Variants in SUSD6 observed in about 807,000 individuals in gnomAD.
SUSD6 encodes the protein sushi domain containing 6.
Under a neutral mutation model 28.4 loss-of-function variants are expected in SUSD6, and 16 were observed. That is an observed-to-expected ratio of 0.56 (90% confidence interval 0.38 to 0.86). The LOEUF is 0.86. Ranked by LOEUF, SUSD6 falls within the 40% of genes least tolerant of loss-of-function variation. The pLI is 0.00. For missense variants in SUSD6, 341 were observed against 384.2 expected (o/e 0.89, Z 0.94); for synonymous variants, 147 against 159.6 (o/e 0.92, Z 0.59).
At chr14:69,622,668 A>G (rs1460681449) in intron 1 of SUSD6, among the ~76,000 whole-genome samples, 1 of 151,876 alleles carries the variant, frequency 6.6e-6, no homozygotes, top group Non-Finnish European at 1.5e-5. Context: ...ATCTCGGCTC[A>G]CTGCAACCTC....
At chr14:69,646,844 G>A (rs1016640660) in intron 1 of SUSD6, among the ~76,000 whole-genome samples, 24 of 152,018 alleles carry the variant, frequency 1.6e-4, no homozygotes, top group Middle Eastern at 3.4e-3. Flanking sequence ...TGGGACTACA[G>A]GCACCCGCCA....
rs1282114418 is a variant in SUSD6, at chr14:69,674,882, T to C, written c.121+16169T>C. ...GGCAACTTTCAGGTAGCTCAGGCAC[T>C]GACTAGCCTGAAGTCTCTGTTGAAA... On this transcript the variant is annotated intron_variant, in intron 2 of 5. Transcript: ENST00000342745. Among the ~76,000 whole-genome samples, 4 of 152,344 alleles carry C rather than the reference T, an allele frequency of 2.6e-5. No individual in the cohort carries two copies. The East Asian group carries it at 7.7e-4, about 29-fold the overall frequency.
intron 1 of SUSD6, among the ~76,000 whole-genome samples, chr14:69,655,389 T>G: frequency 6.6e-6 from 1 of 152,196 alleles, no homozygotes. Flanking sequence ...CTTTCATATA[T>G]GTCATTGCAC....
chr14:69,618,440 A>G (rs1884990099), intron 1 of SUSD6, among the ~76,000 whole-genome samples: 1 of 152,236 alleles, frequency 6.6e-6, no homozygotes, highest in African/African-American at 2.4e-5. Flanking sequence ...CTTGCTTTCA[A>G]CAGCTAGTCT....
In SUSD6 at chr14:69,652,354, C is replaced by T. The variant is rs1021841387; in HGVS notation, c.-80-6159C>T. Among the ~76,000 whole-genome samples, 4 of 152,016 alleles carry T rather than the reference C, an allele frequency of 2.6e-5. No individual in the cohort carries two copies. In the East Asian group the frequency reaches 7.7e-4, roughly 29 times the overall value. On this transcript the variant is annotated intron_variant, in intron 1 of 5. Transcript: ENST00000342745. ...CCCAGCTACTCAGGAGGCTGAGGCA[C>T]GAGAATCACTTGAAGCCAGGAGGCA...
At chr14:69,673,674 G>C (rs1266376264) in intron 2 of SUSD6, among the ~76,000 whole-genome samples, 1 of 152,132 alleles carries the variant, frequency 6.6e-6, no homozygotes, top group African/African-American at 2.4e-5. Flanking sequence ...CCCCGGGGCT[G>C]GATCATTTTC....
intron 2 of SUSD6, among the ~76,000 whole-genome samples, chr14:69,688,415 T>C (rs1367068782): frequency 6.6e-6 from 1 of 152,192 alleles, no homozygotes; most frequent in Non-Finnish European, 1.5e-5. Flanking sequence ...ATGGGACCCA[T>C]TGATTTCTGG....
chr14:69,649,868 A>G (rs1885478544), intron 1 of SUSD6, among the ~76,000 whole-genome samples: 2 of 152,200 alleles, frequency 1.3e-5, no homozygotes, highest in South Asian at 2.1e-4. Flanking sequence ...AGGGAGCCCT[A>G]TTAGGGAAGC....
At chr14:69,694,442 G>A (rs568861066) in intron 2 of SUSD6, among the ~76,000 whole-genome samples, 5 of 152,268 alleles carry the variant, frequency 3.3e-5, no homozygotes, top group Admixed American at 6.5e-5. Context: ...ACCCCAGGCC[G>A]TGAAGTCTCA....
intron 1 of SUSD6, among the ~76,000 whole-genome samples, chr14:69,632,235 C>T (rs1885205405): frequency 6.6e-6 from 1 of 152,214 alleles, no homozygotes; most frequent in Admixed American, 6.5e-5. Context: ...TGCTGCTTCT[C>T]TCCCTGGTCT....
rs188497905 is a variant in SUSD6 at position 69,692,333 on chromosome 14, T to C, written c.122-11062T>C. On this transcript the variant is annotated intron_variant, in intron 2 of 5. Transcript: ENST00000342745. ...TGTATCCCACCCCTATGTTATACTTTGTAGGTCTTGGGGTAAATTTTTTTC... is the reference window on the plus strand; with the variant it reads ...TGTATCCCACCCCTATGTTATACTTCGTAGGTCTTGGGGTAAATTTTTTTC... Among the ~76,000 whole-genome samples the C allele has an allele frequency of 1.9e-3, 285 of 152,320 alleles. 1 individual carries two copies. The highest frequency in any genetic ancestry group is 3.6e-3 in the Non-Finnish European group (242 of 68,034).
chr14:69,673,334 A>G (rs1204887479), intron 2 of SUSD6, among the ~76,000 whole-genome samples: 1 of 152,166 alleles, frequency 6.6e-6, no homozygotes, highest in Non-Finnish European at 1.5e-5. Context: ...ATGTCTACCA[A>G]GTTCCCTAAA....
chr14:69,667,520 A>G (rs1885762072), intron 2 of SUSD6, among the ~76,000 whole-genome samples: 1 of 150,242 alleles, frequency 6.7e-6, no homozygotes, highest in Non-Finnish European at 1.5e-5. Flanking sequence ...GGGACTACAG[A>G]CACCCGCCGC....
At chr14:69,688,358 T>G (rs1203838924) in intron 2 of SUSD6, among the ~76,000 whole-genome samples, 1 of 152,232 alleles carries the variant, frequency 6.6e-6, no homozygotes, top group Non-Finnish European at 1.5e-5. Flanking sequence ...TAGGCAGTTA[T>G]AGAGCATGAG....
intron 2 of SUSD6, among the ~76,000 whole-genome samples, chr14:69,671,137 T>TGGA (rs1885825584): frequency 6.6e-6 from 1 of 152,088 alleles, no homozygotes; most frequent in African/African-American, 2.4e-5. Flanking sequence ...GTCAGAATTG[T>TGGA]GGAGGAGGAG....
In SUSD6 at chr14:69,708,985, C is replaced by T. The variant is rs150724759; in HGVS notation, c.767C>T (p.Thr256Ile). 2 of 1,614,162 alleles carry T rather than the reference C, an allele frequency of 1.2e-6. No individual in the cohort carries two copies. Among genetic ancestry groups the T allele is most frequent in the Non-Finnish European group, 1.7e-6 (2 of 1,180,052 alleles). Residue 256 changes from threonine to isoleucine, a missense_variant, in exon 5 of 6, where the codon ACC (threonine) becomes ATC (isoleucine). By Grantham distance (89) the Thr-to-Ile change is moderately conservative. Transcript: ENST00000342745. The part of the protein sequence containing the change: ...ASETVMVHQA[T>I]TSSWVAGSGN... ...GAGACTGTGATGGTGCATCAGGCAA[C>T]CACCTCTTCCTGGGTGGCCGGCTCA...
intron 2 of SUSD6, among the ~76,000 whole-genome samples, chr14:69,659,427 A>G (rs1885630648): frequency 6.6e-6 from 1 of 152,162 alleles, no homozygotes; most frequent in Non-Finnish European, 1.5e-5. Context: ...AAATGCTTTG[A>G]TGATTCTAAG....
chr14:69,648,731 C>T (rs1027125192), intron 1 of SUSD6, among the ~76,000 whole-genome samples: 1 of 152,054 alleles, frequency 6.6e-6, no homozygotes, highest in Non-Finnish European at 1.5e-5. Flanking sequence ...TATTTTTGAC[C>T]TGGAGGAGGT....
intron 5 of SUSD6, among the ~76,000 whole-genome samples, chr14:69,709,721 A>G (rs1886436301): frequency 6.6e-6 from 1 of 152,224 alleles, no homozygotes; most frequent in South Asian, 2.1e-4. Flanking sequence ...AGGTGGCTCT[A>G]GCGCCCTTGT....
Sources: allele counts gnomAD v4.1 joint callset (sites outside exome capture counted in the v4.1 genomes callset), GRCh38; gene constraint gnomAD v4.1.1; transcripts MANE v1.5; gene names NCBI Gene and HGNC (gene_info 2026-07-23, HGNC 2026-07-21).